Variants in ZNF215 observed in about 807,000 individuals in gnomAD.
ZNF215 encodes zinc finger protein 215.
ZNF215 carries 24 observed loss-of-function variants against 27.2 expected under a neutral mutation model. That is an observed-to-expected ratio of 0.88 (90% CI 0.64 to 1.24). The LOEUF (loss-of-function observed/expected upper bound fraction) is 1.24, where lower values mean the gene tolerates loss of function less well. ZNF215 is among the 50% of genes most tolerant of loss of function. The pLI is 0.00. For missense variants in ZNF215, 675 were observed against 605.7 expected (o/e 1.11, Z -1.20); for synonymous variants, 210 against 204.0 (o/e 1.03, Z -0.25).
chr11:6,990,942 A>G (rs1159549621), downstream of ZNF215, among the ~76,000 whole-genome samples: 1 of 152,260 alleles, frequency 6.6e-6, no homozygotes, highest in African/African-American at 2.4e-5. Flanking sequence ...GAGCTTGTTT[A>G]TGAAAAAGAA....
At chr11:6,952,321 G>A (rs933659032) in intron 6 of ZNF215, among the ~76,000 whole-genome samples, 1 of 152,186 alleles carries the variant, frequency 6.6e-6, no homozygotes, top group Non-Finnish European at 1.5e-5. Flanking sequence ...TCTATCTAAT[G>A]TTGACAGTAG....
At chr11:6,939,541 C>T (rs1383314541) in intron 3 of ZNF215, among the ~76,000 whole-genome samples, 2 of 151,966 alleles carry the variant, frequency 1.3e-5, no homozygotes, top group Non-Finnish European at 2.9e-5. Context: ...AAGGGAGGTA[C>T]AAGTAGATCA....
downstream of ZNF215, among the ~76,000 whole-genome samples, chr11:6,987,542 AAAGC>A (rs1223720129): frequency 6.6e-6 from 1 of 152,206 alleles, no homozygotes; most frequent in Non-Finnish European, 1.5e-5. Context: ...AAAAAAGAAA[AAAGC>A]AAAAGAAAGA....
chr11:6,941,744 C>A, intron 4 of ZNF215, 91 bp downstream of exon 4: 2 of 1,317,536 alleles, frequency 1.5e-6, no homozygotes, highest in Non-Finnish European at 2.1e-6. Context: ...TTGTGCCAAA[C>A]ATGGTTCCAT....
chr11:6,931,330 A>T (rs147397953), intron 2 of ZNF215, among the ~76,000 whole-genome samples: 2 of 152,184 alleles, frequency 1.3e-5, no homozygotes, highest in Admixed American at 6.5e-5. Context: ...AGTGTTTCCT[A>T]CACCACGTTT....
chr11:6,962,956 T>A (rs1300424721), downstream of ZNF215, among the ~76,000 whole-genome samples: 1 of 152,086 alleles, frequency 6.6e-6, no homozygotes, highest in Non-Finnish European at 1.5e-5. Flanking sequence ...AAGTCCTTGT[T>A]TCTGAAGGGC....
chr11:6,994,230 C>T (rs777204585), intron 6 of ZNF215, among the ~76,000 whole-genome samples: 4 of 150,482 alleles, frequency 2.7e-5, no homozygotes, highest in East Asian at 1.9e-4. Flanking sequence ...ATACTAATAT[C>T]GCATATTAAA....
downstream of ZNF215, among the ~76,000 whole-genome samples, chr11:6,993,221 A>G (rs935925991): frequency 1.3e-5 from 2 of 152,174 alleles, no homozygotes; most frequent in Admixed American, 6.5e-5. Flanking sequence ...CCTACTCTGT[A>G]TCTGGGTAGC....
Position 6,932,588 on chromosome 11 carries a change from A to G in ZNF215, c.316A>G (p.Thr106Ala). ...GGCAATCCTGCCTGAAGAAGTCAGG[A>G]CTTGGGTGAATTTACAACATCCAAA... ...FLAILPEEVR[T>A]WVNLQHPNNS... The change falls in exon 3 of 7, where the codon ACT becomes GCT. Residue 106 changes from threonine (T) to alanine (A), a missense_variant. Physicochemically the swap from Thr to Ala is moderately conservative, Grantham distance 58. Transcript: ENST00000278319. The G allele has an allele frequency of 6.2e-7, 1 of 1,614,230 alleles. No individual in the cohort carries two copies. Among genetic ancestry groups the G allele is most frequent in the South Asian group, 1.1e-5 (1 of 91,086 alleles).
intron 3 of ZNF215, among the ~76,000 whole-genome samples, chr11:6,935,106 A>G (rs966325198): frequency 6.6e-6 from 1 of 152,222 alleles, no homozygotes; most frequent in Non-Finnish European, 1.5e-5. Context: ...TTCATGGAAA[A>G]TGTATTAGCT....
intron 5 of ZNF215, among the ~76,000 whole-genome samples, chr11:6,983,195 A>C (rs192287314): frequency 1.3e-5 from 2 of 152,354 alleles, no homozygotes; most frequent in Admixed American, 1.3e-4. Flanking sequence ...ACACCCTCCC[A>C]AGACTAAATC....
intron 5 of ZNF215, among the ~76,000 whole-genome samples, chr11:6,967,971 A>T (rs1850655978): frequency 6.6e-6 from 1 of 152,166 alleles, no homozygotes; most frequent in East Asian, 1.9e-4. Context: ...ATAAGGTGTA[A>T]GGAAGGGGTC....
intron 6 of ZNF215, among the ~76,000 whole-genome samples, chr11:6,951,298 A>C (rs1850048098): frequency 6.6e-6 from 1 of 151,954 alleles, no homozygotes; most frequent in Admixed American, 6.6e-5. Context: ...GAATAGTTTC[A>C]GAAGGAATGG....
downstream of ZNF215, among the ~76,000 whole-genome samples, chr11:6,986,860 A>G (rs1590091526): frequency 7.1e-6 from 1 of 141,426 alleles, no homozygotes; most frequent in Non-Finnish European, 1.6e-5. Flanking sequence ...AACAAAAACA[A>G]AAACAGATGT....
intron 5 of ZNF215, among the ~76,000 whole-genome samples, chr11:6,966,753 T>C (rs907566845): frequency 3.9e-5 from 6 of 151,982 alleles, no homozygotes; most frequent in African/African-American, 1.4e-4. Context: ...TTGGGTGTAC[T>C]TTTTTGTTTC....
intron 5 of ZNF215, among the ~76,000 whole-genome samples, chr11:6,980,833 C>T (rs1333057939): frequency 6.9e-6 from 1 of 144,320 alleles, no homozygotes; most frequent in African/African-American, 2.6e-5. Context: ...TTGTTCATTT[C>T]CCACCTATGA....
chr11:6,934,795 A>C (rs144645856), intron 3 of ZNF215, among the ~76,000 whole-genome samples: 1 of 152,194 alleles, frequency 6.6e-6, no homozygotes, highest in Non-Finnish European at 1.5e-5. Context: ...CTCTCTTGCT[A>C]TGTATCCAAG....
At chr11:6,951,120 C>A (rs568738859) in intron 6 of ZNF215, among the ~76,000 whole-genome samples, 1 of 152,306 alleles carries the variant, frequency 6.6e-6, no homozygotes, top group South Asian at 2.1e-4. Context: ...TCATGTGCTG[C>A]TGGATTTGCT....
At chr11:6,953,340 G>C (rs558301283) in intron 6 of ZNF215, among the ~76,000 whole-genome samples, 1 of 152,092 alleles carries the variant, frequency 6.6e-6, no homozygotes, top group Admixed American at 6.5e-5. Context: ...TTTCTAACTT[G>C]GTTCCATTTT....
Sources: gnomAD v4.1 joint callset for allele counts (sites outside exome capture counted in the v4.1 genomes callset) on GRCh38, gnomAD v4.1.1 for gene constraint, MANE v1.5 for transcripts, NCBI Gene and HGNC (gene_info 2026-07-23, HGNC 2026-07-21) for gene names.